Variants in PJVK observed in about 807,000 individuals in gnomAD.
PJVK encodes autosomal recessive deafness type 59 protein.
Under a neutral mutation model 37.6 loss-of-function variants are expected in PJVK, and 33 were observed. The ratio of observed to expected loss-of-function variants is 0.88; its 90% confidence interval spans 0.67 to 1.17. The LOEUF is 1.17. Among genes scored for constraint, PJVK ranks in the 50% most tolerant of loss-of-function variants. The pLI is 0.00. For missense variants in PJVK, 410 were observed against 413.8 expected, an observed-to-expected ratio of 0.99 and a Z score of 0.08; for synonymous variants, 141 against 143.5, an observed-to-expected ratio of 0.98 and a Z score of 0.13.
At chr2:178,453,664 A>G in intron 2 of PJVK, 44 bp downstream of exon 2, 1 of 1,511,920 alleles carries the variant, frequency 6.6e-7, no homozygotes, top group Non-Finnish European at 9.1e-7. Context: ...CATCTGTATT[A>G]TTGGCAACCT....
At chr2:178,458,835 G>A (rs939572112) in intron 5 of PJVK, among the ~76,000 whole-genome samples, 2 of 152,028 alleles carry the variant, frequency 1.3e-5, no homozygotes, top group Non-Finnish European at 2.9e-5. Context: ...CTGCTTCTTG[G>A]TGAAGGTTGT....
intron 6 of PJVK, 31 bp from the exon 7 acceptor site, chr2:178,460,951 A>G: frequency 6.2e-7 from 1 of 1,605,378 alleles, no homozygotes. Context: ...TTCACTTCTA[A>G]CACATTTCTT....
chr2:178,459,578 AC>A (rs1364823896), intron 5 of PJVK, among the ~76,000 whole-genome samples: 1 of 152,198 alleles, frequency 6.6e-6, no homozygotes, highest in African/African-American at 2.4e-5. Context: ...TTAAAAATGT[AC>A]AAATTCTCAG....
intron 3 of PJVK, chr2:178,455,342 T>C (rs1474138376): frequency 3.9e-6 from 5 of 1,287,008 alleles, no homozygotes; most frequent in Non-Finnish European, 5.7e-6. Flanking sequence ...GCTGCCAACC[T>C]CAGACGAACA....
Position 178,458,546 on chromosome 2 carries a change from G to A in PJVK, c.586G>A (p.Asp196Asn). ...GGATGAACAGAATCCCAAGGGAAGG[G>A]ACAAAGCTATTGTTTTCCCAGCACA... is the stretch of plus-strand genomic sequence containing the variant. ...FMDEQNPKGR[D>N]KAIVFPAHTT... The change falls in exon 5 of 7, where the codon GAC (aspartate) becomes AAC (asparagine). Residue 196 changes from aspartate (D) to asparagine (N), a missense_variant. Transcript: ENST00000644580. The A allele has an allele frequency of 6.2e-7, 1 of 1,613,910 alleles. No individual in the cohort carries two copies. Among genetic ancestry groups the A allele is most frequent in the Non-Finnish European group, 8.5e-7 (1 of 1,179,882 alleles).
At chr2:178,457,583 G>A (rs941323755) in intron 4 of PJVK, among the ~76,000 whole-genome samples, 2 of 92,776 alleles carry the variant, frequency 2.2e-5, no homozygotes, top group Non-Finnish European at 2.1e-5. Context: ...TTGAAAAGCC[G>A]TGCTTTTGTG....
At chr2:178,454,870 A>C (rs1559367414) in intron 3 of PJVK, 11 of 1,002,822 alleles carry the variant, frequency 1.1e-5, no homozygotes, top group Non-Finnish European at 1.4e-5. Flanking sequence ...AAGACTGAGG[A>C]AGATGAGGAG....
At chr2:178,452,447 T>C (rs1697744025) in intron 1 of PJVK, 1 of 985,318 alleles carries the variant, frequency 1.0e-6, no homozygotes, top group African/African-American at 1.7e-5. Context: ...TCTATATATG[T>C]ATGTATATAG....
At chr2:178,455,712 C>T (rs564634595) in intron 3 of PJVK, among the ~76,000 whole-genome samples, 15 of 151,674 alleles carry the variant, frequency 9.9e-5, no homozygotes, top group Admixed American at 8.5e-4. Context: ...TTTGGCTCTA[C>T]ACACATTTGC....
At position 178,458,597 on chromosome 2, in the gene PJVK, G is replaced by A; in HGVS notation, c.637G>A (p.Glu213Lys). ...AHTTIAFSVF[E>K]LFIYLDGAFD... ...TACAACCATAGCTTTCAGTGTTTTT[G>A]AACTCTTCATATACCTGGATGGTGC... Residue 213 changes from glutamate (E) to lysine (K), a missense_variant, in exon 5 of 7, where the codon GAA becomes AAA. By Grantham distance (56) the Glu-to-Lys change is moderately conservative (BLOSUM62 1). Transcript: ENST00000644580. 1 of 1,613,930 alleles carries A rather than the reference G, an allele frequency of 6.2e-7. No homozygotes were observed. Among genetic ancestry groups the A allele is most frequent in the Non-Finnish European group, 8.5e-7 (1 of 1,179,890 alleles).
chr2:178,461,262 G>A lies in PJVK; in HGVS notation c.1047G>A (p.Lys349=). 1 of 1,614,088 alleles carries A rather than the reference G, an allele frequency of 6.2e-7. No individual in the cohort carries two copies. The highest frequency in any genetic ancestry group is 8.5e-7 in the Non-Finnish European group (1 of 1,180,028). ...TTCCTTGTTTTGATATTTGGCACAAGAGGATGAAATAAAATGAAAAATGAA... is the reference window on the plus strand; with the variant it reads ...TTCCTTGTTTTGATATTTGGCACAAAAGGATGAAATAAAATGAAAAATGAA... The part of the protein sequence containing the change: ...HAVPCFDIWH[K]RMK Residue 349 remains lysine, a synonymous_variant, in exon 7 of 7, where the codon AAG becomes AAA. Transcript: ENST00000644580.
intron 2 of PJVK, 161 bp downstream of exon 2, chr2:178,453,781 C>A: frequency 1.6e-6 from 1 of 611,138 alleles, no homozygotes; most frequent in South Asian, 2.0e-5. Flanking sequence ...TTAACAATGC[C>A]AAAAGTTTGT....
chr2:178,461,447 G>A lies in PJVK; in HGVS notation c.*173G>A. The A allele has an allele frequency of 1.6e-6, 1 of 632,900 alleles. No homozygotes were observed. The highest frequency in any genetic ancestry group is 2.1e-5 in the South Asian group (1 of 48,374). 39.2% of individuals were successfully genotyped at this position (632,900 alleles called of 1,614,324 possible). A position where few individuals can be genotyped will look rare whatever the true frequency, so the allele number is the denominator to read the frequency against. On this transcript the variant is annotated 3_prime_UTR_variant, in exon 7 of 7. Transcript: ENST00000644580. ...ATAAAGTAGCAATTATAACAGTAGTGTCTATTTCTTAAGTTGTCATGAAAA... is the reference window on the plus strand; with the variant it reads ...ATAAAGTAGCAATTATAACAGTAGTATCTATTTCTTAAGTTGTCATGAAAA...
chr2:178,455,225 A>G, intron 3 of PJVK: 1 of 1,559,658 alleles, frequency 6.4e-7, no homozygotes, highest in Non-Finnish European at 8.8e-7. Flanking sequence ...CCCTGAGATC[A>G]ATACCAAGAA....
At chr2:178,455,168 GAGA>G (rs1211025461) in intron 3 of PJVK, 15 of 1,599,166 alleles carry the variant, frequency 9.4e-6, no homozygotes, top group Non-Finnish European at 7.7e-6. Flanking sequence ...TGTGCATCTG[GAGA>G]AGATCAAGAA....
rs570128893 is a variant in PJVK, at chr2:178,456,221, T to C, written c.549+70T>C. The C allele has an allele frequency of 3.2e-6, 5 of 1,559,204 alleles. No individual in the cohort carries two copies. In the South Asian group the frequency reaches 5.8e-5, roughly 18 times the overall value. On this transcript the variant is annotated intron_variant, in intron 4 of 6. Coordinates refer to ENST00000644580, the MANE Select transcript of PJVK (RefSeq NM_001042702.5). ...ATGGGAATTTTTTTAAGTATTGAAT[T>C]TCTAGTCAGGCTTGTGTATTTTGTG...
chr2:178,452,568 A>T (rs1697754402), intron 1 of PJVK: 7 of 985,434 alleles, frequency 7.1e-6, no homozygotes, highest in Non-Finnish European at 8.4e-6. Flanking sequence ...TTCAGCACTC[A>T]GGTAAAATTC....
At chr2:178,460,959 C>T in intron 6 of PJVK, 23 bp from the exon 7 acceptor site, 1 of 1,570,860 alleles carries the variant, frequency 6.4e-7, no homozygotes, top group South Asian at 1.1e-5. Context: ...TAACACATTT[C>T]TTTTCTGTTT....
Position 178,453,395 on chromosome 2 carries a change from C to G in PJVK, c.-15C>G. 1 of 1,613,748 alleles carries G rather than the reference C, an allele frequency of 6.2e-7. No homozygotes were observed. Among genetic ancestry groups the G allele is most frequent in the Non-Finnish European group, 8.5e-7 (1 of 1,179,846 alleles). On this transcript the variant is annotated 5_prime_UTR_variant, in exon 2 of 7. Transcript: ENST00000644580. ...TTTATCTGGGGGTTGCAGTTGATGA[C>G]GTTTTGATTTTAATATGTTTGCTGC...
Sources: gnomAD v4.1 joint callset for allele counts (sites outside exome capture counted in the v4.1 genomes callset) on GRCh38, gnomAD v4.1.1 for gene constraint, MANE v1.5 for transcripts, NCBI Gene and HGNC (gene_info 2026-07-23, HGNC 2026-07-21) for gene names.